Variants in TFRC observed in about 807,000 individuals in gnomAD.
TFRC encodes transferrin receptor, also known as transferrin receptor protein 1.
In TFRC, 35 loss-of-function variants were observed where a neutral mutation model predicts 85.8. The observed-to-expected ratio is 0.41, with a 90% CI of 0.31 to 0.54. The LOEUF is 0.54. Among genes scored for constraint, TFRC ranks in the 20% least tolerant of loss-of-function variants. TFRC has a pLI of 0.31. For missense variants in TFRC, 828 were observed against 921.5 expected (o/e 0.90, Z 1.31); for synonymous variants, 362 against 328.6 (o/e 1.10, Z -1.10).
chr3:196,071,375 G>A (rs754351865), intron 6 of TFRC, 21 bp downstream of exon 6: 2 of 1,578,674 alleles, frequency 1.3e-6, no homozygotes, highest in Non-Finnish European at 1.7e-6. Context: ...AGAGTCTCAT[G>A]CACTGTTTTG....
intron 6 of TFRC, 144 bp downstream of exon 6, chr3:196,071,252 A>T: frequency 1.6e-6 from 1 of 630,412 alleles, no homozygotes; most frequent in Non-Finnish European, 2.8e-6. Context: ...ATGCATGTTG[A>T]CTGTGTCATT....
rs1716247197 is a variant in TFRC at position 196,050,773 on chromosome 3, C to T, written c.*1169G>A. On this transcript the variant is annotated 3_prime_UTR_variant, in exon 19 of 19. Coordinates refer to ENST00000360110, the MANE Select transcript of TFRC (RefSeq NM_001128148.3). ...CATTTAGGAAAACCAGCATTCTTAT[C>T]TGGTCAGTGCTCGCTTCTTAGCAAC... 1 of 204,012 alleles carries T rather than the reference C, an allele frequency of 4.9e-6. No homozygotes were observed. Among genetic ancestry groups the T allele is most frequent in the South Asian group, 1.9e-4 (1 of 5,260 alleles). The allele number at this position is 204,012 out of a possible 1,614,324, so 12.6% of individuals were successfully genotyped here.
chr3:196,076,960 C>G, intron 2 of TFRC, 104 bp downstream of exon 2: 1 of 1,071,896 alleles, frequency 9.3e-7, no homozygotes, highest in Non-Finnish European at 1.4e-6. Flanking sequence ...TAAATGAATA[C>G]CTGATAATAG....
At chr3:196,057,144 AAG>A (rs1716860878) in intron 16 of TFRC, among the ~76,000 whole-genome samples, 1 of 152,144 alleles carries the variant, frequency 6.6e-6, no homozygotes. Context: ...TCTGCCTCCA[AAG>A]AAAGAAGAAG....
chr3:196,067,410 C>T, intron 9 of TFRC, 108 bp downstream of exon 9: 1 of 1,271,562 alleles, frequency 7.9e-7, no homozygotes, highest in Non-Finnish European at 1.1e-6. Context: ...CTCCAAATTC[C>T]CAAATGTGGA....
At chr3:196,080,884 C>T (rs1174552430) in intron 1 of TFRC, among the ~76,000 whole-genome samples, 1 of 152,186 alleles carries the variant, frequency 6.6e-6, no homozygotes, top group Non-Finnish European at 1.5e-5. Flanking sequence ...TCTAGACAGC[C>T]TAACCTTAAT....
At chr3:196,052,470 C>T (rs1248296011) in intron 18 of TFRC, among the ~76,000 whole-genome samples, 2 of 151,776 alleles carry the variant, frequency 1.3e-5, no homozygotes, top group African/African-American at 4.8e-5. Flanking sequence ...GACAGAGTTT[C>T]GCTCTTGTTG....
intron 1 of TFRC, among the ~76,000 whole-genome samples, chr3:196,081,118 G>A (rs183209653): frequency 2.6e-5 from 4 of 152,174 alleles, no homozygotes; most frequent in Admixed American, 6.5e-5. Flanking sequence ...CTGTCCAGCA[G>A]AATGTGACAC....
chr3:196,054,285 A>T (rs1269830171), intron 17 of TFRC, among the ~76,000 whole-genome samples: 1 of 152,154 alleles, frequency 6.6e-6, no homozygotes. Flanking sequence ...CACGCCTGTA[A>T]TCCCAGCTAC....
rs906348878 is a variant in TFRC at position 196,067,461 on chromosome 3, G to A, written c.1040+57C>T. ...TTAACATTTTAATCAACATATTACC[G>A]TTCTTCCCTAATCATAAAACCTCAC... is the stretch of plus-strand genomic sequence containing the variant. On this transcript the variant is annotated intron_variant, in intron 9 of 18. Transcript: ENST00000360110. 4.7e-5 allele frequency: 72 copies of A among 1,535,624 alleles called. 1 individual carries two copies. Among genetic ancestry groups the A allele is most frequent in the African/African-American group, 2.8e-4 (20 of 72,578 alleles).
intron 2 of TFRC, among the ~76,000 whole-genome samples, chr3:196,076,121 A>G (rs1718674352): frequency 6.6e-6 from 1 of 152,060 alleles, no homozygotes; most frequent in Admixed American, 6.6e-5. Context: ...TGGGCAACAG[A>G]GCCCAGGCTG....
At chr3:196,054,565 G>A (rs41298053) in intron 17 of TFRC, among the ~76,000 whole-genome samples, 3 of 152,218 alleles carry the variant, frequency 2.0e-5, no homozygotes, top group African/African-American at 7.2e-5. Context: ...ATTTAGAGAT[G>A]GGATTTTGCT....
intron 16 of TFRC, among the ~76,000 whole-genome samples, chr3:196,056,795 A>C (rs894890523): frequency 6.6e-6 from 1 of 152,210 alleles, no homozygotes; most frequent in Admixed American, 6.5e-5. Flanking sequence ...TAAAACTAAT[A>C]ATGAAGGAAC....
chr3:196,076,616 AT>A (rs746885459), intron 2 of TFRC, among the ~76,000 whole-genome samples: 262 of 144,728 alleles, frequency 1.8e-3, no homozygotes, highest in African/African-American at 2.0e-3. Flanking sequence ...CACTCAGCTA[AT>A]TTTTTTTTTT....
intron 4 of TFRC, 150 bp from the exon 5 acceptor site, chr3:196,072,302 A>C (rs1439778003): frequency 2.7e-6 from 3 of 1,108,668 alleles, no homozygotes; most frequent in Non-Finnish European, 3.8e-6. Flanking sequence ...GACTGACCAG[A>C]ATATCACAAA....
intron 11 of TFRC, 99 bp downstream of exon 11, chr3:196,064,210 G>C: frequency 1.6e-6 from 2 of 1,285,162 alleles, no homozygotes; most frequent in Non-Finnish European, 2.1e-6. Flanking sequence ...TCTAGCATGA[G>C]AACCACAGGA....
At chr3:196,065,937 C>T (rs552469501) in intron 9 of TFRC, among the ~76,000 whole-genome samples, 22 of 151,174 alleles carry the variant, frequency 1.5e-4, no homozygotes, top group African/African-American at 5.1e-4. Context: ...TGCAGTGAGC[C>T]GAGATCACGC....
At chr3:196,076,966 A>T (rs890242166) in intron 2 of TFRC, 98 bp downstream of exon 2, 288 of 1,131,760 alleles carry the variant, frequency 2.5e-4, no homozygotes, top group Middle Eastern at 4.5e-4. Flanking sequence ...AATACCTGAT[A>T]ATAGATTGGG....
chr3:196,055,687 G>A (rs900855205), intron 16 of TFRC: 3 of 292,524 alleles, frequency 1.0e-5, no homozygotes, highest in Admixed American at 4.9e-5. Flanking sequence ...CTGTCACCCA[G>A]GCTAGAGTGC....
Sources: gnomAD v4.1 joint callset for allele counts (sites outside exome capture counted in the v4.1 genomes callset) on GRCh38, gnomAD v4.1.1 for gene constraint, MANE v1.5 for transcripts, NCBI Gene and HGNC (gene_info 2026-07-23, HGNC 2026-07-21) for gene names.